ATP13A3: variants seen among roughly 807,000 people sequenced by gnomAD.
ATP13A3 encodes the protein polyamine-transporting ATPase 13A3.
ATP13A3 carries 59 observed loss-of-function variants against 158.1 expected under a neutral mutation model. The ratio of observed to expected loss-of-function variants is 0.37; its 90% CI spans 0.30 to 0.46. ATP13A3 has a LOEUF of 0.46. Among genes scored for constraint, ATP13A3 ranks in the 20% least tolerant of loss-of-function variants. The pLI is 1.00. For synonymous variants in ATP13A3, 491 were observed against 504.3 expected (o/e 0.97, Z 0.35); for missense variants, 1,166 against 1,525.2 (o/e 0.76, Z 3.92).
chr3:194,453,959 A>C (rs1178507485), intron 9 of ATP13A3, among the ~76,000 whole-genome samples, 181 bp from the exon 10 acceptor site: 2 of 152,210 alleles, frequency 1.3e-5, no homozygotes, highest in Non-Finnish European at 2.9e-5. Flanking sequence ...GAAGCACTTT[A>C]ACAGGATAGC....
chr3:194,488,200 T>C (rs569524039), upstream of ATP13A3: 2 of 152,206 alleles, frequency 1.3e-5, no homozygotes, highest in East Asian at 3.9e-4. The surrounding 1 kb of genome is among the most constrained non-coding windows in gnomAD (Gnocchi z 4.1). Context: ...TACCTCACCG[T>C]TTGTTTCAAA....
rs561575937 is a variant in ATP13A3 at position 194,466,285 on chromosome 3, G to A, written c.-46-4049C>T. ...AAATAAAAAAACAGAAAGAGGAAAC[G>A]TCACTGAAACCAAAAAGGCTGGTTC... On this transcript the variant is annotated intron_variant, in intron 2 of 33. Coordinates refer to ENST00000645319, the MANE Select transcript of ATP13A3 (RefSeq NM_001367549.1). 7.9e-5 allele frequency among the ~76,000 whole-genome samples: 12 copies of A among 152,092 alleles called. No homozygotes were observed. In the South Asian group the frequency reaches 1.9e-3, roughly 24 times the overall value.
At chr3:194,425,311 G>A (rs777206586) in intron 30 of ATP13A3, 31 bp downstream of exon 30, 1 of 1,579,106 alleles carries the variant, frequency 6.3e-7, no homozygotes, top group Non-Finnish European at 8.7e-7. Context: ...GGGGCAAGCA[G>A]GGTGGAAATC....
In ATP13A3 at chr3:194,404,419, G is replaced by T; in HGVS notation, c.*1500C>A. On this transcript the variant is annotated 3_prime_UTR_variant, in exon 34 of 34. Transcript: ENST00000645319. ...GGTCCTAAAATTCTAGGTAAAATTT[G>T]GTAAATTTGTAAATATATGTTGGGA... 1 of 188,976 alleles carries T rather than the reference G, an allele frequency of 5.3e-6. No homozygotes were observed. The highest frequency in any genetic ancestry group is 6.3e-5 in the Admixed American group (1 of 15,980). The allele number at this position is 188,976 out of a possible 1,614,324, so 11.7% of individuals were successfully genotyped here.
chr3:194,427,920 T>C (rs959008808), intron 28 of ATP13A3, among the ~76,000 whole-genome samples: 2 of 151,990 alleles, frequency 1.3e-5, no homozygotes, highest in Non-Finnish European at 2.9e-5. Flanking sequence ...AGTTTTCCAC[T>C]ATAAAGTTCC....
intron 6 of ATP13A3, 128 bp downstream of exon 6, chr3:194,459,339 GTTAA>G (rs1719471518): frequency 2.9e-6 from 2 of 685,130 alleles, no homozygotes; most frequent in Non-Finnish European, 5.1e-6. Context: ...ACAGGGAGTT[GTTAA>G]TTAATACGTG....
chr3:194,457,193 T>C lies in ATP13A3; in HGVS notation c.480-19A>G. 6.3e-7 allele frequency: 1 copy of C among 1,589,988 alleles called. No homozygotes were observed. The highest frequency in any genetic ancestry group is 8.6e-7 in the Non-Finnish European group (1 of 1,164,150). ...CAGTCCCCTAAATAAATCCAAAGTT[T>C]TTACTTTAAACAAAGTTTAAAATAT... On this transcript the variant is annotated intron_variant, in intron 6 of 33. Transcript: ENST00000645319.
chr3:194,448,301 A>G lies in ATP13A3; in HGVS notation c.1150+156T>C, dbSNP rs1054247723. Among the ~76,000 whole-genome samples, 3 of 152,150 alleles carry G rather than the reference A, an allele frequency of 2.0e-5. No individual in the cohort carries two copies. Among genetic ancestry groups the G allele is most frequent in the Non-Finnish European group, 4.4e-5 (3 of 68,018 alleles). ...CACCATGTTAGCCAGGATGGTCTCA[A>G]TCTCCTGACCTCATGATCCGCCCAC... On this transcript the variant is annotated intron_variant, in intron 12 of 33. Transcript: ENST00000645319. This position sits in a 1 kb window ranked among gnomAD's most constrained non-coding sequence, Gnocchi z 4.0.
intron 33 of ATP13A3, among the ~76,000 whole-genome samples, chr3:194,406,487 G>T (rs555549639): frequency 1.3e-5 from 2 of 152,234 alleles, no homozygotes; most frequent in African/African-American, 4.8e-5. Flanking sequence ...TAATCAATAT[G>T]ATTGACTTCA....
chr3:194,430,041 A>C, intron 26 of ATP13A3, 31 bp downstream of exon 26: 1 of 1,557,954 alleles, frequency 6.4e-7, no homozygotes, highest in Non-Finnish European at 8.8e-7. Context: ...GACAGAGAAA[A>C]AGGGATGAGA....
At chr3:194,417,396 GACACACACACACACACACACACACAC>G (rs56119734) in intron 31 of ATP13A3, among the ~76,000 whole-genome samples, 9 of 118,054 alleles carry the variant, frequency 7.6e-5, no homozygotes, top group African/African-American at 1.6e-4. Flanking sequence ...GCCAGATTCT[GACACACACACACACACACACACACAC>G]ACACACACAC....
rs976740351 is a variant in ATP13A3, at chr3:194,448,846, C to T, written c.971-210G>A. 2.6e-5 allele frequency among the ~76,000 whole-genome samples: 4 copies of T among 152,166 alleles called. No individual in the cohort carries two copies. The highest frequency in any genetic ancestry group is 5.9e-5 in the Non-Finnish European group (4 of 68,026). On this transcript the variant is annotated intron_variant, in intron 11 of 33. Coordinates refer to ENST00000645319, the MANE Select transcript of ATP13A3 (RefSeq NM_001367549.1). The surrounding 1 kb of genome is among the most constrained non-coding windows in gnomAD (Gnocchi z 4.0). ...CTCACATAGAAGTATCAAATATTATCTCCCACAATAATTCCAGAAAGTGAT... is the reference window on the plus strand; with the variant it reads ...CTCACATAGAAGTATCAAATATTATTTCCCACAATAATTCCAGAAAGTGAT...
intron 30 of ATP13A3, among the ~76,000 whole-genome samples, chr3:194,421,805 G>A (rs941277419): frequency 2.0e-5 from 3 of 151,766 alleles, no homozygotes; most frequent in Admixed American, 1.3e-4. Context: ...GAACATAAAT[G>A]GCAGAGAGAA....
intron 3 of ATP13A3, 71 bp from the exon 4 acceptor site, chr3:194,460,902 A>C: frequency 6.8e-7 from 1 of 1,474,368 alleles, no homozygotes; most frequent in Non-Finnish European, 9.2e-7. Context: ...ACACATTCCA[A>C]AGTTCTTTGT....
In ATP13A3 at chr3:194,481,741, C is replaced by G. The variant is rs1441570265; in HGVS notation, c.-47+4053G>C. Among the ~76,000 whole-genome samples, 5 of 152,324 alleles carry G rather than the reference C, an allele frequency of 3.3e-5. No individual in the cohort carries two copies. The East Asian group carries it at 9.6e-4, about 29-fold the overall frequency. The stretch of plus-strand genomic sequence containing the variant: ...AAGATTCTGTAGACATCAGCAATTT[C>G]CAGACCACATAATTAGGAAATTCTA... On this transcript the variant is annotated intron_variant, in intron 2 of 33. Transcript: ENST00000645319.
chr3:194,451,633 T>C (rs1030960470), intron 10 of ATP13A3: 1 of 152,274 alleles, frequency 6.6e-6, no homozygotes, highest in Admixed American at 6.5e-5. Context: ...CTCTTGGGTG[T>C]AGTCTGAGTC....
chr3:194,440,575 G>A (rs781534981), intron 16 of ATP13A3, among the ~76,000 whole-genome samples: 1 of 152,170 alleles, frequency 6.6e-6, no homozygotes, highest in Non-Finnish European at 1.5e-5. Flanking sequence ...GGTAAAATTT[G>A]AAGTAGCTCA....
chr3:194,403,901 C>T lies in ATP13A3; in HGVS notation c.*2018G>A. ...AAGAGATATAAAACCCTTACTAACT[C>T]TAAATGTTAAAAAAGTGGGGGGGGG... is the stretch of plus-strand genomic sequence containing the variant. On this transcript the variant is annotated 3_prime_UTR_variant, in exon 34 of 34. Coordinates refer to ENST00000645319, the MANE Select transcript of ATP13A3 (RefSeq NM_001367549.1). 3.3e-6 allele frequency: 1 copy of T among 303,764 alleles called. No individual in the cohort carries two copies. The highest frequency in any genetic ancestry group is 6.2e-6 in the Non-Finnish European group (1 of 162,580). The allele number at this position is 303,764 out of a possible 1,614,324, so 18.8% of individuals were successfully genotyped here.
chr3:194,465,396 C>T (rs761984791), intron 2 of ATP13A3, among the ~76,000 whole-genome samples: 10 of 152,138 alleles, frequency 6.6e-5, no homozygotes, highest in African/African-American at 1.2e-4. Context: ...CCTTCAGCTG[C>T]GTACCGCTCA....
Sources: allele counts gnomAD v4.1 joint callset (sites outside exome capture counted in the v4.1 genomes callset), GRCh38; gene constraint gnomAD v4.1.1; non-coding constraint Gnocchi (gnomAD v3.1); transcripts MANE v1.5; gene names NCBI Gene and HGNC (gene_info 2026-07-23, HGNC 2026-07-21).